Variants in SORBS2 observed in about 807,000 individuals in gnomAD.
SORBS2 encodes the protein sorbin and SH3 domain-containing protein 2.
Under a neutral mutation model 97.7 loss-of-function variants are expected in SORBS2, and 46 were observed. The ratio of observed to expected loss-of-function variants is 0.47; its 90% CI spans 0.37 to 0.60. The LOEUF is 0.60. Ranked by LOEUF, SORBS2 falls within the 20% of genes least tolerant of loss-of-function variation. SORBS2 has a pLI of 0.00. For missense variants in SORBS2, 1,316 were observed against 1,282.3 expected (o/e 1.03, Z -0.40); for synonymous variants, 476 against 473.4 (o/e 1.01, Z -0.07).
At chr4:185,773,869 A>T in intron 2 of SORBS2, 1 of 152,112 alleles carries the variant, frequency 6.6e-6, no homozygotes, top group Non-Finnish European at 1.5e-5. Context: ...CATTTTAGGA[A>T]ATACATTTTT....
chr4:185,870,219 C>T (rs914476558), intron 1 of SORBS2, among the ~76,000 whole-genome samples: 13 of 152,162 alleles, frequency 8.5e-5, no homozygotes, highest in Non-Finnish European at 1.8e-4. Context: ...AGATTGAGAT[C>T]TACTGCAAAT....
chr4:185,649,403 A>G, intron 3 of SORBS2, 64 bp downstream of exon 12: 1 of 1,325,120 alleles, frequency 7.5e-7, no homozygotes, highest in Non-Finnish European at 1.0e-6. Flanking sequence ...CTTCTACTGA[A>G]TGCCATGTAG....
At chr4:185,677,854 T>G (rs2097816094) in intron 4 of SORBS2, among the ~76,000 whole-genome samples, 1 of 152,126 alleles carries the variant, frequency 6.6e-6, no homozygotes, top group Non-Finnish European at 1.5e-5. Flanking sequence ...TGTTTGCCCT[T>G]GGGGAAAAAA....
intron 1 of SORBS2, among the ~76,000 whole-genome samples, chr4:185,828,489 G>T (rs1489107061): frequency 6.6e-6 from 1 of 151,982 alleles, no homozygotes; most frequent in East Asian, 1.9e-4. Context: ...TCATTATCAT[G>T]GGCTTGAAAT....
At chr4:185,868,150 T>TCTTTCTTTTTTTTTTTTTTTTTTTTTTG (rs1443151990) in intron 1 of SORBS2, among the ~76,000 whole-genome samples, 1 of 75,514 alleles carries the variant, frequency 1.3e-5, no homozygotes, top group Admixed American at 1.3e-4. Flanking sequence ...TTCTTTTCTT[T>TCTTTCTTTTTTTTTTTTTTTTTTTTTTG]TTTTCTTTCT....
At chr4:185,835,917 G>T (rs1468354663) in intron 1 of SORBS2, among the ~76,000 whole-genome samples, 1 of 151,962 alleles carries the variant, frequency 6.6e-6, no homozygotes, top group Non-Finnish European at 1.5e-5. Flanking sequence ...CAAGCCTGTT[G>T]ACATGATAAT....
At position 185,636,648 on chromosome 4, in the gene SORBS2, AT is replaced by A. The variant is rs1228463050; in HGVS notation, c.397-6051del. ...TTGTTAACTGAACCTCCAGTTGACT[AT>A]TTTTTTTTTTTTTTTTTGAGATGGA... On this transcript the variant is annotated intron_variant, in intron 4 of 14. Coordinates refer to ENST00000418609, the Ensembl canonical transcript of SORBS2. Among the ~76,000 whole-genome samples, 963 of 133,918 alleles carry A rather than the reference AT, an allele frequency of 7.2e-3. 4 individuals carry two copies. Among genetic ancestry groups the A allele is most frequent in the Admixed American group, 0.032 (426 of 13,248 alleles). 87.9% of individuals were successfully genotyped at this position (133,918 alleles called of 152,430 possible). A position where few individuals can be genotyped will look rare whatever the true frequency, so the allele number is the denominator to read the frequency against.
At chr4:185,640,957 T>C (rs1405584888) in intron 4 of SORBS2, among the ~76,000 whole-genome samples, 1 of 152,212 alleles carries the variant, frequency 6.6e-6, no homozygotes, top group African/African-American at 2.4e-5. Context: ...CAAGGGGAGA[T>C]AGAAACTTCT....
At chr4:185,924,913 C>T (rs897195) in intron 1 of SORBS2, among the ~76,000 whole-genome samples, 1 of 152,112 alleles carries the variant, frequency 6.6e-6, no homozygotes, top group Non-Finnish European at 1.5e-5. Context: ...ATCCTATCGG[C>T]GTGAGACCAA....
chr4:185,840,046 A>C (rs763747755), intron 1 of SORBS2, among the ~76,000 whole-genome samples: 9 of 152,202 alleles, frequency 5.9e-5, no homozygotes, highest in Non-Finnish European at 1.2e-4. Context: ...TGAGCAGCAC[A>C]GCTCCACGCA....
At chr4:185,770,006 A>G (rs960239425) in intron 2 of SORBS2, among the ~76,000 whole-genome samples, 4 of 152,022 alleles carry the variant, frequency 2.6e-5, no homozygotes, top group African/African-American at 9.7e-5. Context: ...TTTTTAGGTG[A>G]TAAGAAACAT....
At position 185,684,808 on chromosome 4, in the gene SORBS2, C is replaced by A. The variant is rs2153509013; in HGVS notation, c.-197-5986G>T. 6.4e-7 allele frequency: 1 copy of A among 1,551,968 alleles called. No homozygotes were observed. The highest frequency in any genetic ancestry group is 1.2e-5 in the South Asian group (1 of 84,062). On this transcript the variant is annotated intron_variant, in intron 2 of 20. Coordinates refer to the SORBS2 transcript ENST00000284776. The surrounding 1 kb of genome is among the most constrained non-coding windows in gnomAD (Gnocchi z 4.2). Reference sequence around the variant, plus strand: ...ACTCTCTTCACAGATGTTAGCGTAACAGACATGGCGGCACGTTTGCGAGCA... The same window carrying A: ...ACTCTCTTCACAGATGTTAGCGTAAAAGACATGGCGGCACGTTTGCGAGCA...
chr4:185,857,208 T>G (rs577786626), intron 1 of SORBS2, among the ~76,000 whole-genome samples: 3 of 152,344 alleles, frequency 2.0e-5, no homozygotes, highest in African/African-American at 7.2e-5. Flanking sequence ...GAAGATTTAA[T>G]GGACATTGTT....
At chr4:185,944,331 TC>T (rs1452207373) in intron 1 of SORBS2, among the ~76,000 whole-genome samples, 1 of 152,206 alleles carries the variant, frequency 6.6e-6, no homozygotes, top group Non-Finnish European at 1.5e-5. Flanking sequence ...ATTGACACTT[TC>T]ATTGACATCA....
intron 1 of SORBS2, among the ~76,000 whole-genome samples, chr4:185,953,499 G>A (rs1195965533): frequency 6.6e-6 from 1 of 152,182 alleles, no homozygotes; most frequent in Non-Finnish European, 1.5e-5. Flanking sequence ...ACCAAGGTGG[G>A]ACCCTGTGTT....
chr4:185,924,349 C>T (rs1257106205), intron 1 of SORBS2, among the ~76,000 whole-genome samples: 1 of 151,988 alleles, frequency 6.6e-6, no homozygotes, highest in African/African-American at 2.4e-5. Flanking sequence ...AACCTCACTT[C>T]GTTATAGGAG....
intron 12 of SORBS2, chr4:185,605,963 A>G: frequency 3.5e-6 from 1 of 289,510 alleles, no homozygotes; most frequent in Non-Finnish European, 5.2e-6. Context: ...TCATAACATG[A>G]AGATACAGTA....
intron 2 of SORBS2, among the ~76,000 whole-genome samples, chr4:185,735,351 C>G (rs901145164): frequency 6.6e-6 from 1 of 150,960 alleles, no homozygotes; most frequent in Non-Finnish European, 1.5e-5. Context: ...CTAGGAGATT[C>G]GCTTCCATTG....
intron 2 of SORBS2, among the ~76,000 whole-genome samples, chr4:185,720,551 T>A (rs1348938198): frequency 6.6e-6 from 1 of 152,184 alleles, no homozygotes. Flanking sequence ...ATTTCCTTTC[T>A]GTGTCCCTCC....
Sources: gnomAD v4.1 joint callset for allele counts (sites outside exome capture counted in the v4.1 genomes callset) on GRCh38, gnomAD v4.1.1 for gene constraint, Gnocchi (gnomAD v3.1) non-coding constraint, MANE v1.5 for transcripts, NCBI Gene and HGNC (gene_info 2026-07-23, HGNC 2026-07-21) for gene names.